Variants in TMEM135 observed in about 807,000 individuals in gnomAD.
TMEM135 encodes the protein peroxisomal membrane protein 52.
Under a neutral mutation model 60.3 loss-of-function variants are expected in TMEM135, and 30 were observed. The ratio of observed to expected loss-of-function variants is 0.50; its 90% CI spans 0.37 to 0.68. TMEM135 has a LOEUF of 0.68. Among genes scored for constraint, TMEM135 ranks in the 30% least tolerant of loss-of-function variants. The pLI is 0.00. For missense variants in TMEM135, 468 were observed against 548.8 expected (o/e 0.85, Z 1.47); for synonymous variants, 190 against 186.7 (o/e 1.02, Z -0.14).
intron 5 of TMEM135, among the ~76,000 whole-genome samples, chr11:87,173,414 T>G (rs1297596498): frequency 6.6e-6 from 1 of 152,234 alleles, no homozygotes; most frequent in Non-Finnish European, 1.5e-5. Context: ...GGGTTTTAAT[T>G]GTAAACTAAA....
rs1472581189 is a variant in TMEM135, at chr11:87,302,542, G to T, written c.698+100G>T. 2.9e-5 allele frequency: 42 copies of T among 1,460,412 alleles called. No individual in the cohort carries two copies. In the Admixed American group the frequency reaches 7.1e-4, roughly 25 times the overall value. The allele number at this position is 1,460,412 out of a possible 1,614,324, so 90.5% of individuals were successfully genotyped here. ...TTTTGTTTTCTATTCAGGTAATGAT[G>T]ATCATTTTTCACCAGAAACTGTGCA... On this transcript the variant is annotated intron_variant, in intron 8 of 14. Coordinates refer to ENST00000305494, the MANE Select transcript of TMEM135 (RefSeq NM_022918.4).
At chr11:87,223,449 C>G (rs1377183690) in intron 5 of TMEM135, among the ~76,000 whole-genome samples, 1 of 152,070 alleles carries the variant, frequency 6.6e-6, no homozygotes, top group Non-Finnish European at 1.5e-5. Flanking sequence ...GGATTACACG[C>G]GTGAGCCACC....
At chr11:87,223,161 C>CTTTTT in intron 5 of TMEM135, among the ~76,000 whole-genome samples, 1 of 133,778 alleles carries the variant, frequency 7.5e-6, no homozygotes, top group South Asian at 2.5e-4. Context: ...TTGAAAAGCA[C>CTTTTT]TTTTTTTTTT....
At chr11:87,211,725 T>C (rs1377856859) in intron 5 of TMEM135, among the ~76,000 whole-genome samples, 1 of 152,088 alleles carries the variant, frequency 6.6e-6, no homozygotes, top group East Asian at 1.9e-4. Context: ...AATAGCAGGA[T>C]AGTTTACTGT....
intron 5 of TMEM135, among the ~76,000 whole-genome samples, chr11:87,176,659 G>A (rs1047873422): frequency 3.9e-5 from 6 of 152,118 alleles, no homozygotes; most frequent in Non-Finnish European, 4.4e-5. Flanking sequence ...CCATGGGAAA[G>A]ATTGTTAAGG....
chr11:87,255,908 T>C (rs951687899), intron 6 of TMEM135, among the ~76,000 whole-genome samples: 2 of 152,204 alleles, frequency 1.3e-5, no homozygotes, highest in African/African-American at 4.8e-5. Flanking sequence ...GTATCTTCAA[T>C]GTAGCTATAA....
intron 6 of TMEM135, chr11:87,259,129 C>A: frequency 1.4e-6 from 1 of 718,244 alleles, no homozygotes. Context: ...TCCATCAGGC[C>A]CCATAGTCTC....
chr11:87,286,584 A>G (rs1200378623), intron 6 of TMEM135, among the ~76,000 whole-genome samples: 2 of 152,136 alleles, frequency 1.3e-5, no homozygotes, highest in South Asian at 4.1e-4. Context: ...GGCGCCCGTC[A>G]GAGAGGCTGG....
At chr11:87,065,748 T>C (rs1332504400) in intron 1 of TMEM135, among the ~76,000 whole-genome samples, 1 of 152,250 alleles carries the variant, frequency 6.6e-6, no homozygotes, top group Non-Finnish European at 1.5e-5. Flanking sequence ...TCTAGCCTTG[T>C]ATCCATAAGA....
At chr11:87,225,263 T>G (rs1940740685) in intron 5 of TMEM135, among the ~76,000 whole-genome samples, 1 of 152,130 alleles carries the variant, frequency 6.6e-6, no homozygotes, top group South Asian at 2.1e-4. Flanking sequence ...ATCGCCTAAC[T>G]ATCTATGTCT....
At chr11:87,285,017 A>T (rs902120345) in intron 6 of TMEM135, among the ~76,000 whole-genome samples, 1 of 152,242 alleles carries the variant, frequency 6.6e-6, no homozygotes, top group Non-Finnish European at 1.5e-5. Context: ...GAAATAATCA[A>T]TTTAACCTAT....
intron 4 of TMEM135, among the ~76,000 whole-genome samples, chr11:87,113,683 A>G (rs1857809195): frequency 6.6e-6 from 1 of 152,018 alleles, no homozygotes; most frequent in Non-Finnish European, 1.5e-5. Flanking sequence ...TTTGACTCCT[A>G]GGCCCCTGAT....
At chr11:87,058,968 C>T (rs1026239874) in intron 1 of TMEM135, among the ~76,000 whole-genome samples, 24 of 149,548 alleles carry the variant, frequency 1.6e-4, no homozygotes, top group South Asian at 2.1e-4. Context: ...GACAGAGTCT[C>T]GCTCTGTCAC....
At chr11:87,056,591 T>C (rs1949896675) in intron 1 of TMEM135, among the ~76,000 whole-genome samples, 1 of 152,258 alleles carries the variant, frequency 6.6e-6, no homozygotes, top group Non-Finnish European at 1.5e-5. Context: ...TATTAATGTG[T>C]TGAAGTGCAG....
intron 6 of TMEM135, among the ~76,000 whole-genome samples, chr11:87,237,879 T>C (rs1941037432): frequency 6.6e-6 from 1 of 151,960 alleles, no homozygotes; most frequent in Non-Finnish European, 1.5e-5. Context: ...TTCAATTGTT[T>C]TGATTTTTAG....
intron 6 of TMEM135, among the ~76,000 whole-genome samples, chr11:87,238,439 G>A (rs1941055754): frequency 6.6e-6 from 1 of 152,002 alleles, no homozygotes; most frequent in Admixed American, 6.6e-5. Flanking sequence ...GACTTGAACT[G>A]CAAAAGATTT....
At chr11:87,128,961 A>T (rs752512290) in intron 4 of TMEM135, among the ~76,000 whole-genome samples, 2 of 151,684 alleles carry the variant, frequency 1.3e-5, no homozygotes, top group Non-Finnish European at 2.9e-5. Context: ...TTTCTTCCAA[A>T]TGCCCTTGCT....
chr11:87,043,974 G>T (rs1949773389), intron 1 of TMEM135, among the ~76,000 whole-genome samples: 11 of 152,064 alleles, frequency 7.2e-5, no homozygotes, highest in Admixed American at 7.2e-4. Flanking sequence ...TCTAGATTAA[G>T]GTACTGGCAT....
chr11:87,096,207 A>G (rs551782273), intron 4 of TMEM135: 32 of 300,924 alleles, frequency 1.1e-4, no homozygotes, highest in African/African-American at 4.3e-4. Context: ...CTCTTCTACA[A>G]ATTCTTCGTC....
Sources: allele counts gnomAD v4.1 joint callset (sites outside exome capture counted in the v4.1 genomes callset), GRCh38; gene constraint gnomAD v4.1.1; transcripts MANE v1.5; gene names NCBI Gene and HGNC (gene_info 2026-07-23, HGNC 2026-07-21).